Variants in REEP3 observed in about 807,000 individuals in gnomAD.
REEP3 encodes the protein receptor expression-enhancing protein 3.
Under a neutral mutation model 41.3 loss-of-function variants are expected in REEP3, and 20 were observed. The ratio of observed to expected loss-of-function variants is 0.48; its 90% CI spans 0.34 to 0.70. REEP3 has a LOEUF of 0.70. Among genes scored for constraint, REEP3 ranks in the 30% least tolerant of loss-of-function variants. The pLI is 0.01. For synonymous variants in REEP3, 104 were observed against 101.8 expected (o/e 1.02, Z -0.13); for missense variants, 271 against 308.8 (o/e 0.88, Z 0.92).
intron 2 of REEP3, among the ~76,000 whole-genome samples, chr10:63,567,787 A>G (rs1010394872): frequency 3.3e-5 from 5 of 151,510 alleles, no homozygotes; most frequent in African/African-American, 1.2e-4. Flanking sequence ...TATTCTTTAT[A>G]TTTTCAGGGT....
At chr10:63,544,150 A>G (rs572749364) in intron 1 of REEP3, among the ~76,000 whole-genome samples, 1 of 152,336 alleles carries the variant, frequency 6.6e-6, no homozygotes, top group Non-Finnish European at 1.5e-5. Context: ...GCAGAAAAAA[A>G]TAATATGACT....
Position 63,579,045 on chromosome 10 carries a change from G to GA in REEP3, c.105+12635_105+12636insA, listed in dbSNP as rs914630770. On this transcript the variant is annotated intron_variant, in intron 2 of 7. Coordinates refer to ENST00000373758, the MANE Select transcript of REEP3 (RefSeq NM_001001330.3). ...TCTTCACTATGTGTTTTTTTTTGGGGGGGGGGAGATGGAGTCTCTCTCTGT... is the reference window on the plus strand; with the variant it reads ...TCTTCACTATGTGTTTTTTTTTGGGGAGGGGGGAGATGGAGTCTCTCTCTGT... Among the ~76,000 whole-genome samples the GA allele has an allele frequency of 9.5e-5, 14 of 147,558 alleles. No individual in the cohort carries two copies. In the East Asian group the frequency reaches 9.9e-4, roughly 10 times the overall value.
At chr10:63,567,345 G>A (rs182061263) in intron 2 of REEP3, among the ~76,000 whole-genome samples, 164 of 152,080 alleles carry the variant, frequency 1.1e-3, no homozygotes, top group Non-Finnish European at 1.6e-3. Context: ...ATAAAACCCT[G>A]TGCCCAAGTT....
chr10:63,606,008 C>A, intron 5 of REEP3: 1 of 405,512 alleles, frequency 2.5e-6, no homozygotes, highest in Non-Finnish European at 3.3e-6. Context: ...AACAGTTCTG[C>A]TCACGATGAT....
At chr10:63,523,494 A>T (rs1955318193) in intron 1 of REEP3, among the ~76,000 whole-genome samples, 1 of 152,122 alleles carries the variant, frequency 6.6e-6, no homozygotes, top group African/African-American at 2.4e-5. Context: ...TTAATTAGCT[A>T]GTCACAGTAG....
At chr10:63,599,896 T>G (rs1365476161) in intron 5 of REEP3, among the ~76,000 whole-genome samples, 3 of 152,224 alleles carry the variant, frequency 2.0e-5, no homozygotes, top group Admixed American at 6.5e-5. Context: ...TTTTAAATAC[T>G]TTAGCATAAT....
chr10:63,586,046 G>A (rs1211755613), intron 2 of REEP3, among the ~76,000 whole-genome samples: 1 of 152,188 alleles, frequency 6.6e-6, no homozygotes, highest in Non-Finnish European at 1.5e-5. Flanking sequence ...ATCATGAAAT[G>A]AAGCTAACTC....
chr10:63,533,710 C>CTTTTTTTTTTT lies in REEP3; in HGVS notation c.32+12138_32+12148dup, dbSNP rs71025187. The stretch of plus-strand genomic sequence containing the variant: ...GAAAGAGCCTTGGAAGTATGTAAAT[C>CTTTTTTTTTTT]TTTTTTTTTTTTTTTGAGACGGAGT... On this transcript the variant is annotated intron_variant, in intron 1 of 7. Transcript: ENST00000373758. Among the ~76,000 whole-genome samples, 11 of 101,126 alleles carry CTTTTTTTTTTT rather than the reference C, an allele frequency of 1.1e-4. 1 individual carries two copies. The highest frequency in any genetic ancestry group is 4.0e-4 in the South Asian group (1 of 2,520). 66.3% of individuals were successfully genotyped at this position (101,126 alleles called of 152,430 possible).
chr10:63,606,285 C>CTTTCTTTCTTTTTCTTTA, intron 5 of REEP3, among the ~76,000 whole-genome samples: 1 of 147,848 alleles, frequency 6.8e-6, no homozygotes, highest in East Asian at 1.9e-4. Context: ...CTTTTTCTTT[C>CTTTCTTTCTTTTTCTTTA]TTTCCTTTCT....
intron 1 of REEP3, among the ~76,000 whole-genome samples, chr10:63,561,494 T>G (rs566474705): frequency 6.6e-6 from 1 of 152,316 alleles, no homozygotes; most frequent in East Asian, 1.9e-4. Flanking sequence ...GGAAACCATG[T>G]TGGAACAGAT....
rs564821935 is a variant in REEP3, at chr10:63,618,963, G to A, written c.566-692G>A. Among the ~76,000 whole-genome samples, 12 of 152,300 alleles carry A rather than the reference G, an allele frequency of 7.9e-5. No individual in the cohort carries two copies. In the South Asian group the frequency reaches 2.3e-3, roughly 29 times the overall value. On this transcript the variant is annotated intron_variant, in intron 6 of 7. Coordinates refer to ENST00000373758, the MANE Select transcript of REEP3 (RefSeq NM_001001330.3). ...CACATAACAGCCTTCTAGCATACTC[G>A]CGTGATCTCTCACTGATCTGCCTGA...
chr10:63,615,950 T>G (rs781716989), intron 6 of REEP3, among the ~76,000 whole-genome samples: 2 of 152,158 alleles, frequency 1.3e-5, no homozygotes, highest in Non-Finnish European at 2.9e-5. Flanking sequence ...TACAGTAACC[T>G]CCCCACTTAC....
intron 1 of REEP3, among the ~76,000 whole-genome samples, chr10:63,541,683 G>A (rs1009096917): frequency 1.1e-4 from 17 of 151,464 alleles, no homozygotes; most frequent in Non-Finnish European, 1.9e-4. Context: ...ATTAACGAAA[G>A]AACTGAGTAC....
intron 3 of REEP3, among the ~76,000 whole-genome samples, chr10:63,597,029 G>C (rs1050364798): frequency 6.6e-6 from 1 of 152,166 alleles, no homozygotes; most frequent in African/African-American, 2.4e-5. Context: ...GTAATGGAGT[G>C]AGGGAGTCGA....
intron 2 of REEP3, among the ~76,000 whole-genome samples, chr10:63,592,090 G>A (rs1310422284): frequency 6.6e-6 from 1 of 152,190 alleles, no homozygotes; most frequent in Non-Finnish European, 1.5e-5. Context: ...GAAAGGAGGT[G>A]ATAATATGTA....
In REEP3 at chr10:63,610,315, A is replaced by C. The variant is rs781566505; in HGVS notation, c.546A>C (p.Pro182=). The C allele has an allele frequency of 2.6e-6, 4 of 1,556,656 alleles. No individual in the cohort carries two copies. The highest frequency in any genetic ancestry group is 3.5e-6 in the Non-Finnish European group (4 of 1,149,214). ...CAGAAGCAAAAAAGAAAAGTAAACC[A>C]GCCCCCAGTGAATCAGCAGGTGTGC... ...PLPEAKKKSK[P]APSESAGYGI... The change falls in exon 6 of 8, where the codon CCA becomes CCC. Residue 182 remains proline (P), a synonymous_variant. Transcript: ENST00000373758.
rs1955408887 is a variant in REEP3 at position 63,530,349 on chromosome 10, T to C, written c.32+8772T>C. Among the ~76,000 whole-genome samples the C allele has an allele frequency of 1.3e-5, 2 of 152,208 alleles. 1 individual carries two copies. Among genetic ancestry groups the C allele is most frequent in the South Asian group, 4.1e-4 (2 of 4,826 alleles). On this transcript the variant is annotated intron_variant, in intron 1 of 7. Transcript: ENST00000373758. ...GGTAGATTTTGTCTTTATTTACCAT[T>C]TTTTATGAGATCCATTGTGAATAGC...
At chr10:63,596,794 T>G (rs1194921149) in intron 3 of REEP3, among the ~76,000 whole-genome samples, 1 of 152,192 alleles carries the variant, frequency 6.6e-6, no homozygotes, top group Non-Finnish European at 1.5e-5. Context: ...GTTGTTGTTT[T>G]AGAGACAGGG....
chr10:63,610,354 T>A lies in REEP3; in HGVS notation c.565+20T>A. The A allele has an allele frequency of 1.9e-6, 3 of 1,550,232 alleles. No individual in the cohort carries two copies. The highest frequency in any genetic ancestry group is 2.6e-6 in the Non-Finnish European group (3 of 1,146,310). ...CAGCAGGTGTGCTTGTGTGTTTTAA[T>A]ATACGGTTCTTTTACATGGAAACAG... On this transcript the variant is annotated intron_variant, in intron 6 of 7. Coordinates refer to ENST00000373758, the MANE Select transcript of REEP3 (RefSeq NM_001001330.3).
Sources: gnomAD v4.1 joint callset for allele counts (sites outside exome capture counted in the v4.1 genomes callset) on GRCh38, gnomAD v4.1.1 for gene constraint, MANE v1.5 for transcripts, NCBI Gene and HGNC (gene_info 2026-07-23, HGNC 2026-07-21) for gene names.